Variants in DMRT3 observed in about 807,000 individuals in gnomAD.
The protein encoded by DMRT3 is doublesex and mab-3 related transcription factor 3, also known as doublesex- and mab-3-related transcription factor 3.
In DMRT3, 29 loss-of-function variants were observed where a neutral mutation model predicts 34.9. The ratio of observed to expected loss-of-function variants is 0.83; its 90% confidence interval spans 0.62 to 1.13. The LOEUF is 1.13. DMRT3 is among the 50% of genes most tolerant of loss of function. The probability of loss-of-function intolerance (pLI) is 0.00; values close to 1 mark genes in which losing one functional copy is unlikely to be tolerated. For missense variants in DMRT3, 772 were observed against 629.1 expected, an observed-to-expected ratio of 1.23 and a Z score of -2.43; for synonymous variants, 350 against 286.0, an observed-to-expected ratio of 1.22 and a Z score of -2.26.
chr9:990,087 A>G lies in DMRT3; in HGVS notation c.501A>G (p.Thr167=), dbSNP rs1193612665. 2 of 1,614,106 alleles carry G rather than the reference A, an allele frequency of 1.2e-6. No homozygotes were observed. The highest frequency in any genetic ancestry group is 4.5e-5 in the East Asian group (2 of 44,862). The change falls in exon 2 of 2, where the codon ACA becomes ACG. Residue 167 remains threonine, a synonymous_variant. Transcript: ENST00000190165. The stretch of plus-strand genomic sequence containing the variant: ...GAGACGGCAAGTCGGCAGACAATAC[A>G]GAGGTCTTCAGTGACAAAGACACTG... ...RLGDGKSADN[T]EVFSDKDTDQ...
intron 1 of DMRT3, among the ~76,000 whole-genome samples, chr9:979,294 G>T (rs1820188098): frequency 6.6e-6 from 1 of 152,218 alleles, no homozygotes; most frequent in Non-Finnish European, 1.5e-5. Flanking sequence ...GTAGGCAGCG[G>T]CAGCAGGATA....
At chr9:989,791 T>G in intron 1 of DMRT3, 1 of 412,848 alleles carries the variant, frequency 2.4e-6, no homozygotes, top group Non-Finnish European at 4.3e-6. Flanking sequence ...AGCCATTCTA[T>G]GTTGAAGGCA....
intron 1 of DMRT3, among the ~76,000 whole-genome samples, chr9:987,491 C>G (rs886679615): frequency 6.7e-6 from 1 of 150,312 alleles, no homozygotes; most frequent in African/African-American, 2.5e-5. Context: ...CACTGATGGA[C>G]ATTTGGGTTG....
chr9:988,215 G>A (rs1820308741), intron 1 of DMRT3, among the ~76,000 whole-genome samples: 1 of 152,126 alleles, frequency 6.6e-6, no homozygotes, highest in Non-Finnish European at 1.5e-5. Context: ...ATATGTATGT[G>A]ACGCAAATGA....
intron 1 of DMRT3, 198 bp from the exon 2 acceptor site, chr9:989,843 C>T: frequency 1.6e-6 from 1 of 629,706 alleles, no homozygotes; most frequent in South Asian, 2.4e-5. Context: ...ACTCTGATTT[C>T]TAGATCTTTA....
chr9:979,117 G>A (rs914467031), intron 1 of DMRT3, among the ~76,000 whole-genome samples: 1 of 152,194 alleles, frequency 6.6e-6, no homozygotes, highest in African/African-American at 2.4e-5. Flanking sequence ...CAGCACTCCT[G>A]TGATCGGGCA....
In DMRT3 at chr9:977,209, G is replaced by A. The variant is rs1224622477; in HGVS notation, c.208G>A (p.Ala70Thr). The A allele has an allele frequency of 1.9e-6, 3 of 1,605,672 alleles. No individual in the cohort carries two copies. Among genetic ancestry groups the A allele is most frequent in the Non-Finnish European group, 2.6e-6 (3 of 1,176,426 alleles). The change falls in exon 1 of 2, where the codon GCG becomes ACG. Residue 70 changes from alanine (A) to threonine (T), a missense_variant. Transcript: ENST00000190165. ...CATCGAGCGGCAGCGGGTCATGGCT[G>A]CGCAGGTGGCGCTGCGCCGGCAGCA... is the stretch of plus-strand genomic sequence containing the variant. ...LIIERQRVMA[A>T]QVALRRQQAN...
intron 1 of DMRT3, among the ~76,000 whole-genome samples, chr9:980,794 A>G (rs557133583): frequency 6.6e-6 from 1 of 152,146 alleles, no homozygotes; most frequent in Non-Finnish European, 1.5e-5. Flanking sequence ...TCAAGAGCTG[A>G]GGGAAGTTAA....
chr9:989,762 A>C, intron 1 of DMRT3: 1 of 292,746 alleles, frequency 3.4e-6, no homozygotes, highest in Non-Finnish European at 6.3e-6. Context: ...TATGAAAGCC[A>C]TATGTTACAG....
intron 1 of DMRT3, 194 bp from the exon 2 acceptor site, chr9:989,847 A>G: frequency 1.6e-6 from 1 of 638,510 alleles, no homozygotes; most frequent in South Asian, 2.5e-5. Flanking sequence ...TGATTTCTAG[A>G]TCTTTATTTA....
chr9:988,363 A>G (rs1401040151), intron 1 of DMRT3, among the ~76,000 whole-genome samples: 1 of 152,208 alleles, frequency 6.6e-6, no homozygotes, highest in Non-Finnish European at 1.5e-5. Flanking sequence ...TTTAAAGTGT[A>G]TTTACTTATG....
chr9:986,267 T>C (rs1197671498), intron 1 of DMRT3, among the ~76,000 whole-genome samples: 6 of 152,224 alleles, frequency 3.9e-5, no homozygotes, highest in African/African-American at 1.2e-4. Context: ...GAATTTTATA[T>C]TGTCAGACTT....
chr9:984,839 AT>A lies in DMRT3; in HGVS notation c.455-5192del, dbSNP rs954211815. 2.9e-3 allele frequency among the ~76,000 whole-genome samples: 439 copies of A among 150,140 alleles called. 2 individuals carry two copies. Among genetic ancestry groups the A allele is most frequent in the South Asian group, 0.013 (61 of 4,748 alleles). On this transcript the variant is annotated intron_variant, in intron 1 of 1. Coordinates refer to ENST00000190165, the MANE Select transcript of DMRT3 (RefSeq NM_021240.4). ...TTTCTCAAAGTATTTGAAATAATAC[AT>A]TTTTTTTTTACTAAATTGCATTTTT...
chr9:983,502 T>C (rs1820247127), intron 1 of DMRT3, among the ~76,000 whole-genome samples: 1 of 152,222 alleles, frequency 6.6e-6, no homozygotes, highest in South Asian at 2.1e-4. Flanking sequence ...AAAGATTAGT[T>C]AGTAAACTGT....
intron 1 of DMRT3, among the ~76,000 whole-genome samples, chr9:985,313 A>G (rs918337651): frequency 4.6e-5 from 7 of 152,210 alleles, no homozygotes; most frequent in African/African-American, 1.4e-4. Flanking sequence ...TAAAAATATT[A>G]TCAGTTGATA....
At chr9:978,530 C>T (rs1820179474) in intron 1 of DMRT3, among the ~76,000 whole-genome samples, 1 of 152,174 alleles carries the variant, frequency 6.6e-6, no homozygotes, top group Non-Finnish European at 1.5e-5. Context: ...AAACTGGTAC[C>T]TACACTGACC....
chr9:990,336 G>T lies in DMRT3; in HGVS notation c.750G>T (p.Pro250=). ...CCTTCAGCTTGAAAGCCAACAGACC[G>T]CCGCTTGAAGTGTTAAAAAAGATAT... ...SLPFSLKANR[P]PLEVLKKIFP... The change falls in exon 2 of 2, where the codon CCG becomes CCT. Residue 250 remains proline (P), a synonymous_variant. Transcript: ENST00000190165. 1 of 1,613,648 alleles carries T rather than the reference G, an allele frequency of 6.2e-7. No individual in the cohort carries two copies. Among genetic ancestry groups the T allele is most frequent in the Non-Finnish European group, 8.5e-7 (1 of 1,180,008 alleles).
At position 990,806 on chromosome 9, in the gene DMRT3, A is replaced by G. The variant is rs1466589111; in HGVS notation, c.1220A>G (p.Tyr407Cys). The change falls in exon 2 of 2, where the codon TAT becomes TGT. Residue 407 changes from tyrosine to cysteine, a missense_variant. Coordinates refer to ENST00000190165, the MANE Select transcript of DMRT3 (RefSeq NM_021240.4). ...CAGCAGTATCAGCTGAGGTCCCAGT[A>G]TGTCAGTCCTTTCCCCAGTAACTCT... ...LQQQYQLRSQ[Y>C]VSPFPSNSTS... 2.5e-6 allele frequency: 4 copies of G among 1,614,140 alleles called. No homozygotes were observed. The South Asian group carries it at 4.4e-5, about 18-fold the overall frequency.
intron 1 of DMRT3, among the ~76,000 whole-genome samples, chr9:984,807 G>C (rs1306474732): frequency 1.3e-5 from 2 of 151,786 alleles, no homozygotes; most frequent in Non-Finnish European, 2.9e-5. Flanking sequence ...TCTCATATGT[G>C]GTAGACTTTC....
Sources: gnomAD v4.1 joint callset for allele counts (sites outside exome capture counted in the v4.1 genomes callset) on GRCh38, gnomAD v4.1.1 for gene constraint, MANE v1.5 for transcripts, NCBI Gene and HGNC (gene_info 2026-07-23, HGNC 2026-07-21) for gene names.